The following FBXW10B variants were observed in gnomAD, a reference collection of about 807,000 sequenced individuals.
FBXW10B encodes F-box and WD repeat domain containing protein 10B.
the FBXW10B span, chr17:15,565,502 T>C: frequency 6.2e-7 from 1 of 1,606,780 alleles, no homozygotes; most frequent in Middle Eastern, 1.7e-4. Flanking sequence ...TTTCTGTTTA[T>C]TGTAAAACAC....
chr17:15,600,767 C>A, the FBXW10B span, among the ~76,000 whole-genome samples: 3 of 152,046 alleles, frequency 2.0e-5, no homozygotes, highest in Non-Finnish European at 1.5e-5. Flanking sequence ...AATATATTGT[C>A]GGCCGGGCGC....
At chr17:15,617,406 T>C in the FBXW10B span, among the ~76,000 whole-genome samples, 2 of 152,266 alleles carry the variant, frequency 1.3e-5, no homozygotes, top group South Asian at 4.2e-4. Context: ...TCTGCTTAAA[T>C]CTGAGCTTCC....
At chr17:15,591,540 G>A in the FBXW10B span, among the ~76,000 whole-genome samples, 6 of 152,070 alleles carry the variant, frequency 3.9e-5, no homozygotes, top group African/African-American at 7.2e-5. Context: ...CACCCACCTC[G>A]GCCTCCCAAA....
the FBXW10B span, among the ~76,000 whole-genome samples, chr17:15,605,725 C>T: frequency 9.9e-5 from 15 of 151,756 alleles, no homozygotes; most frequent in African/African-American, 2.7e-4. Flanking sequence ...TGGCATTGCC[C>T]GGATTTAATT....
the FBXW10B span, among the ~76,000 whole-genome samples, chr17:15,591,130 T>A: frequency 6.6e-6 from 1 of 152,128 alleles, no homozygotes; most frequent in African/African-American, 2.4e-5. Context: ...AGTTTCCTCC[T>A]GAAGAGAGCC....
the FBXW10B span, among the ~76,000 whole-genome samples, chr17:15,595,361 GAAAAGAAAAAAT>G: frequency 3.3e-5 from 5 of 151,670 alleles, no homozygotes; most frequent in South Asian, 2.1e-4. Context: ...AAGAAAAAAA[GAAAAGAAAAAAT>G]AAAAGAAAAA....
chr17:15,584,469 G>T, the FBXW10B span, among the ~76,000 whole-genome samples: 3 of 152,130 alleles, frequency 2.0e-5, no homozygotes, highest in African/African-American at 7.2e-5. Context: ...TCTTCTTTGT[G>T]ATTTTCTAGA....
chr17:15,604,079 C>CAA, the FBXW10B span, among the ~76,000 whole-genome samples: 11,551 of 120,954 alleles, frequency 0.095, 743 homozygotes, highest in African/African-American at 0.17. Context: ...GACTCTATCT[C>CAA]AAAAAAAAAA....
the FBXW10B span, chr17:15,619,187 A>G: frequency 1.1e-5 from 18 of 1,613,850 alleles, no homozygotes; most frequent in Non-Finnish European, 1.3e-5. Context: ...TTTATCCAAC[A>G]TTTGGTTCAA....
At chr17:15,610,718 T>C in the FBXW10B span, among the ~76,000 whole-genome samples, 27,689 of 152,090 alleles carry the variant, frequency 0.18, 2,767 homozygotes, top group East Asian at 0.27. Flanking sequence ...GACAGTACAA[T>C]TCTGTCAATA....
chr17:15,601,049 C>CAA, the FBXW10B span, among the ~76,000 whole-genome samples: 1 of 28,260 alleles, frequency 3.5e-5, no homozygotes. Flanking sequence ...GACTCCATCT[C>CAA]AAAAAAAAAA....
the FBXW10B span, among the ~76,000 whole-genome samples, chr17:15,579,884 T>C: frequency 6.6e-6 from 1 of 152,028 alleles, no homozygotes; most frequent in Non-Finnish European, 1.5e-5. Context: ...ATGTAGGGGC[T>C]GATGTTTAGT....
the FBXW10B span, among the ~76,000 whole-genome samples, chr17:15,601,277 T>C: frequency 1.1e-4 from 16 of 144,320 alleles, no homozygotes; most frequent in South Asian, 1.3e-3. Context: ...GGCGTGGTGG[T>C]GGGCGCCTGT....
the FBXW10B span, chr17:15,593,371 C>T: frequency 1.9e-6 from 3 of 1,614,188 alleles, no homozygotes; most frequent in South Asian, 1.1e-5. Context: ...AGCACAGGAT[C>T]GCCTCTGCCA....
At chr17:15,573,840 C>G in the FBXW10B span, 1 of 344,630 alleles carries the variant, frequency 2.9e-6, no homozygotes, top group Non-Finnish European at 5.0e-6. Flanking sequence ...GCAACATAGA[C>G]ATTTTCTATA....
the FBXW10B span, chr17:15,594,648 G>C: frequency 8.0e-7 from 1 of 1,255,550 alleles, no homozygotes; most frequent in South Asian, 1.4e-5. Context: ...AGAACACGAT[G>C]TCTACAGGGA....
At chr17:15,593,967 T>C in the FBXW10B span, among the ~76,000 whole-genome samples, 2 of 152,096 alleles carry the variant, frequency 1.3e-5, no homozygotes, top group African/African-American at 4.8e-5. Context: ...ACCGTGAGCT[T>C]CTCTCAAGAC....
the FBXW10B span, chr17:15,596,585 T>C: frequency 1.2e-6 from 2 of 1,611,502 alleles, no homozygotes; most frequent in African/African-American, 2.7e-5. Flanking sequence ...ACAATGTAGG[T>C]ATCATTGATC....
the FBXW10B span, among the ~76,000 whole-genome samples, chr17:15,583,644 C>G: frequency 1.3e-5 from 2 of 151,018 alleles, no homozygotes; most frequent in Non-Finnish European, 2.9e-5. Flanking sequence ...TCTAGCCACC[C>G]CAGGCCCTCA....
Sources: allele counts gnomAD v4.1 joint callset (sites outside exome capture counted in the v4.1 genomes callset), GRCh38; gene constraint gnomAD v4.1.1; transcripts MANE v1.5; gene names NCBI Gene and HGNC (gene_info 2026-07-23, HGNC 2026-07-21).